Variants in ESRRG observed in about 807,000 individuals in gnomAD.
ESRRG encodes estrogen related receptor gamma.
A neutral mutation model predicts 44.0 loss-of-function variants in ESRRG; 13 were observed. The ratio of observed to expected loss-of-function variants is 0.30; its 90% CI spans 0.19 to 0.47. ESRRG has a LOEUF of 0.47. ESRRG is among the 20% of genes least tolerant of loss of function. The pLI is 1.00. For synonymous variants in ESRRG, 215 were observed against 214.6 expected, an observed-to-expected ratio of 1.00 and a Z score of -0.02; for missense variants, 395 against 580.6, an observed-to-expected ratio of 0.68 and a Z score of 3.29.
At chr1:216,990,299 A>G (rs2150504835) in intron 1 of ESRRG, among the ~76,000 whole-genome samples, 1 of 152,372 alleles carries the variant, frequency 6.6e-6, no homozygotes, top group African/African-American at 2.4e-5. Context: ...TTAAAGTTGA[A>G]TAACAGCACT....
At chr1:216,860,897 C>T (rs950140718) in intron 2 of ESRRG, among the ~76,000 whole-genome samples, 7 of 151,910 alleles carry the variant, frequency 4.6e-5, no homozygotes, top group Non-Finnish European at 7.4e-5. Flanking sequence ...AAAATCATAA[C>T]GACAATGTAG....
intron 2 of ESRRG, among the ~76,000 whole-genome samples, chr1:216,877,385 T>G (rs1398756658): frequency 2.9e-4 from 15 of 52,358 alleles, no homozygotes; most frequent in African/African-American, 8.2e-4. Context: ...TGGTGTTTTT[T>G]TTTGTTTGTT....
intron 1 of ESRRG, among the ~76,000 whole-genome samples, chr1:216,961,839 T>C (rs2069162280): frequency 6.6e-6 from 1 of 152,160 alleles, no homozygotes; most frequent in Admixed American, 6.6e-5. Flanking sequence ...ACTTCAGTAA[T>C]TGCTATTGAA....
chr1:216,837,365 C>G (rs539553838), intron 2 of ESRRG, among the ~76,000 whole-genome samples: 1 of 150,966 alleles, frequency 6.6e-6, no homozygotes, highest in Non-Finnish European at 1.5e-5. Context: ...AAGCCAAGAT[C>G]GTGCCACCGC....
At chr1:216,508,230 T>C (rs1295036761) in intron 6 of ESRRG, among the ~76,000 whole-genome samples, 1 of 152,176 alleles carries the variant, frequency 6.6e-6, no homozygotes, top group Non-Finnish European at 1.5e-5. Flanking sequence ...GCTAAATATA[T>C]AATAAAAATG....
intron 1 of ESRRG, among the ~76,000 whole-genome samples, chr1:216,679,617 T>C (rs1450790815): frequency 6.7e-6 from 1 of 148,352 alleles, no homozygotes; most frequent in Non-Finnish European, 1.5e-5. Context: ...GTTTTTTAAT[T>C]TGGAATTTTT....
At chr1:216,567,847 C>G in intron 4 of ESRRG, 141 bp downstream of exon 4, 1 of 602,006 alleles carries the variant, frequency 1.7e-6, no homozygotes, top group Non-Finnish European at 3.0e-6. Context: ...CACAGACAAT[C>G]TTTGGGAATA....
At chr1:216,551,693 A>G (rs2056381309) in intron 5 of ESRRG, among the ~76,000 whole-genome samples, 1 of 152,154 alleles carries the variant, frequency 6.6e-6, no homozygotes, top group Non-Finnish European at 1.5e-5. Flanking sequence ...ATCTGCCAGA[A>G]ACAGTGTTTG....
chr1:216,662,485 T>C (rs2072746282), intron 2 of ESRRG, among the ~76,000 whole-genome samples: 1 of 152,150 alleles, frequency 6.6e-6, no homozygotes, highest in Admixed American at 6.6e-5. Context: ...TGGAAGCTCC[T>C]GGCATGTAGT....
At chr1:216,996,358 A>T (rs1264901931) in intron 1 of ESRRG, among the ~76,000 whole-genome samples, 3 of 152,100 alleles carry the variant, frequency 2.0e-5, no homozygotes, top group Admixed American at 2.0e-4. Context: ...AGGAATGGAA[A>T]TGGGAAAAAT....
At position 217,031,208 on chromosome 1, in the gene ESRRG, C is replaced by A. The variant is rs137895697; in HGVS notation, c.-106+58299G>T. On this transcript the variant is annotated intron_variant, in intron 1 of 7. Coordinates refer to the ESRRG transcript ENST00000359162. The stretch of plus-strand genomic sequence containing the variant: ...GTGAAGTCTGAAATATTTACTATCT[C>A]GCCCTTTACAAAAGCAGCTTGCCAA... Among the ~76,000 whole-genome samples, 334 of 152,312 alleles carry A rather than the reference C, an allele frequency of 2.2e-3. 3 individuals carry two copies. Among genetic ancestry groups the A allele is most frequent in the Admixed American group, 0.017 (257 of 15,296 alleles).
chr1:216,945,748 G>T (rs1184105202), intron 1 of ESRRG, among the ~76,000 whole-genome samples: 1 of 152,152 alleles, frequency 6.6e-6, no homozygotes, highest in Non-Finnish European at 1.5e-5. Context: ...TTTAGACTCT[G>T]CACCTCATAA....
intron 1 of ESRRG, among the ~76,000 whole-genome samples, chr1:217,058,811 A>G (rs1235565529): frequency 1.3e-5 from 2 of 151,570 alleles, no homozygotes; most frequent in African/African-American, 4.8e-5. Flanking sequence ...GAGGCTAAAT[A>G]AAACTCGGTA....
intron 2 of ESRRG, among the ~76,000 whole-genome samples, chr1:216,787,905 A>T (rs1021250920): frequency 6.6e-6 from 1 of 152,156 alleles, no homozygotes; most frequent in Non-Finnish European, 1.5e-5. Flanking sequence ...TAGATAGAAG[A>T]TCAAACCAGC....
At chr1:217,004,747 T>C (rs538822186) in intron 1 of ESRRG, among the ~76,000 whole-genome samples, 3 of 152,334 alleles carry the variant, frequency 2.0e-5, no homozygotes, top group African/African-American at 2.4e-5. Flanking sequence ...TCTGAAAATA[T>C]GTATTCTCAT....
At chr1:216,552,521 G>A (rs1457948939) in intron 5 of ESRRG, among the ~76,000 whole-genome samples, 1 of 152,118 alleles carries the variant, frequency 6.6e-6, no homozygotes, top group East Asian at 1.9e-4. Context: ...GATTAGACTG[G>A]GCACTTGGCC....
chr1:216,543,798 T>A (rs539134251), intron 5 of ESRRG, among the ~76,000 whole-genome samples: 397 of 152,148 alleles, frequency 2.6e-3, no homozygotes, highest in African/African-American at 9.3e-3. Context: ...GTTACTAACA[T>A]GTCTTTTTAA....
intron 1 of ESRRG, among the ~76,000 whole-genome samples, chr1:217,015,410 C>T (rs1345134661): frequency 6.6e-6 from 1 of 152,126 alleles, no homozygotes; most frequent in African/African-American, 2.4e-5. Context: ...ATAGTTTAGA[C>T]AAAGTAAAAT....
At chr1:216,982,395 C>T (rs993706468) in intron 1 of ESRRG, among the ~76,000 whole-genome samples, 5 of 152,142 alleles carry the variant, frequency 3.3e-5, no homozygotes, top group African/African-American at 1.2e-4. Context: ...GATCTGAGCA[C>T]TTATCTCCCA....
Sources: allele counts gnomAD v4.1 joint callset (sites outside exome capture counted in the v4.1 genomes callset), GRCh38; gene constraint gnomAD v4.1.1; transcripts MANE v1.5; gene names NCBI Gene and HGNC (gene_info 2026-07-23, HGNC 2026-07-21).